TMEM179: variants seen among roughly 807,000 people sequenced by gnomAD.
TMEM179 encodes transmembrane protein 179, also known as transmembrane protein 179A.
TMEM179 carries 17 observed loss-of-function variants against 22.2 expected under a neutral mutation model. The observed-to-expected ratio is 0.77, with a 90% confidence interval of 0.52 to 1.15. TMEM179 has a LOEUF of 1.15. TMEM179 is among the 50% of genes most tolerant of loss of function. The pLI is 0.00. For missense variants in TMEM179, 265 were observed against 313.6 expected, an observed-to-expected ratio of 0.84 and a Z score of 1.17; for synonymous variants, 127 against 140.5, an observed-to-expected ratio of 0.90 and a Z score of 0.68.
chr14:104,599,390 A>T (rs1887162361), intron 1 of TMEM179, among the ~76,000 whole-genome samples: 2 of 152,140 alleles, frequency 1.3e-5, no homozygotes, highest in African/African-American at 4.8e-5. Flanking sequence ...GCTCCTCTCC[A>T]GGTGACCCAC....
At chr14:104,596,483 C>G (rs1343486142) in intron 2 of TMEM179, among the ~76,000 whole-genome samples, 2 of 152,204 alleles carry the variant, frequency 1.3e-5, no homozygotes, top group Non-Finnish European at 2.9e-5. Context: ...TGCTCCTGTT[C>G]TTCACCATCC....
chr14:104,594,151 G>T, intron 3 of TMEM179: 1 of 1,231,834 alleles, frequency 8.1e-7, no homozygotes, highest in South Asian at 4.2e-5. Flanking sequence ...ATTCTCATTT[G>T]AGCGTATTTG....
chr14:104,598,887 A>ACCAC (rs1887139793), intron 1 of TMEM179, among the ~76,000 whole-genome samples: 1 of 152,118 alleles, frequency 6.6e-6, no homozygotes, highest in Non-Finnish European at 1.5e-5. Flanking sequence ...TGATCCAACA[A>ACCAC]CCACACCAAC....
At chr14:104,601,471 G>A (rs1022510437) in intron 1 of TMEM179, among the ~76,000 whole-genome samples, 2 of 151,864 alleles carry the variant, frequency 1.3e-5, no homozygotes, top group Admixed American at 1.3e-4. Flanking sequence ...GGGGTCCCCT[G>A]GGGGGGGACC....
intron 3 of TMEM179, chr14:104,594,292 C>CCAGCAG: frequency 2.4e-6 from 3 of 1,231,770 alleles, no homozygotes; most frequent in Non-Finnish European, 3.0e-6. Context: ...TCAGGCCCAC[C>CCAGCAG]CATGTCCAGC....
rs1239051901 is a variant in TMEM179, at chr14:104,594,050, C to A, written c.523-392G>T. 6 of 1,231,242 alleles carry A rather than the reference C, an allele frequency of 4.9e-6. No homozygotes were observed. In the East Asian group the frequency reaches 1.6e-4, roughly 33 times the overall value. 76.3% of individuals were successfully genotyped at this position (1,231,242 alleles called of 1,614,324 possible). ...GGGTAAACAGCGGAGGCTCCTCCAA[C>A]CACCGGAATAAATTGACCTTTAGCC... On this transcript the variant is annotated intron_variant, in intron 3 of 3. Transcript: ENST00000556573.
At chr14:104,593,937 G>T in intron 3 of TMEM179, 1 of 898,904 alleles carries the variant, frequency 1.1e-6, no homozygotes, top group Non-Finnish European at 1.5e-6. Context: ...CCTCACTCCA[G>T]GCCGGCCAGA....
chr14:104,593,246 C>T lies in TMEM179; in HGVS notation c.*233G>A, dbSNP rs1566741391. ...GGTGCCCCCCGCCCCCGCCCCACAC[C>T]CATAGTCTCTCTGCACCATCCTCAT... is the stretch of plus-strand genomic sequence containing the variant. On this transcript the variant is annotated 3_prime_UTR_variant, in exon 4 of 4. Coordinates refer to ENST00000556573, the MANE Select transcript of TMEM179 (RefSeq NM_001286389.2). 1 of 597,264 alleles carries T rather than the reference C, an allele frequency of 1.7e-6. No homozygotes were observed. The highest frequency in any genetic ancestry group is 2.9e-6 in the Non-Finnish European group (1 of 340,600). 37.0% of individuals were successfully genotyped at this position (597,264 alleles called of 1,614,324 possible).
In TMEM179 at chr14:104,595,282, G is replaced by T; in HGVS notation, c.444-39C>A. 6.3e-7 allele frequency: 1 copy of T among 1,587,160 alleles called. No individual in the cohort carries two copies. The highest frequency in any genetic ancestry group is 8.6e-7 in the Non-Finnish European group (1 of 1,160,536). On this transcript the variant is annotated intron_variant, in intron 2 of 3. Transcript: ENST00000556573. The surrounding 1 kb of genome is among the most constrained non-coding windows in gnomAD (Gnocchi z 5.7). ...ACATAGGGTGGAGGGTGACCACCAG[G>T]ACAGCCAGTGCGGGACATGGCTGAG...
rs1190186033 is a variant in TMEM179, at chr14:104,597,602, A to T, written c.306-475T>A. On this transcript the variant is annotated intron_variant, in intron 1 of 3. Transcript: ENST00000556573. The surrounding 1 kb of genome is among the most constrained non-coding windows in gnomAD (Gnocchi z 4.8). ...AGGTCATGAGGGTGAAGCCTCATGA[A>T]TGAAATGAGTGCCCTCCTAGGAGAG... 1.3e-5 allele frequency among the ~76,000 whole-genome samples: 2 copies of T among 152,096 alleles called. No homozygotes were observed. The highest frequency in any genetic ancestry group is 2.9e-5 in the Non-Finnish European group (2 of 68,012).
chr14:104,594,059 T>C (rs1886932574), intron 3 of TMEM179: 1 of 1,232,140 alleles, frequency 8.1e-7, no homozygotes, highest in Admixed American at 4.1e-5. Context: ...ACCACCGGAA[T>C]AAATTGACCT....
At position 104,604,481 on chromosome 14, in the gene TMEM179, C is replaced by T. The variant is rs1887352354; in HGVS notation, c.261G>A (p.Ala87=). The T allele has an allele frequency of 2.5e-6, 4 of 1,580,558 alleles. No individual in the cohort carries two copies. Among genetic ancestry groups the T allele is most frequent in the Admixed American group, 1.8e-5 (1 of 56,222 alleles). The part of the protein sequence containing the change: ...ASLLSLLLAA[A]HAWRTLFFLC... ...GGAAGAAGAGCGTGCGCCAGGCGTG[C>T]GCGGCGGCCAGCAGCAGAGACAGGA... The change falls in exon 1 of 4, where the codon GCG becomes GCA. Residue 87 remains alanine, a synonymous_variant. Transcript: ENST00000556573. The surrounding 1 kb of genome is among the most constrained non-coding windows in gnomAD (Gnocchi z 4.6).
chr14:104,591,182 G>A lies in TMEM179; in HGVS notation c.*2297C>T, dbSNP rs560185743. 324 of 357,940 alleles carry A rather than the reference G, an allele frequency of 9.1e-4. 8 individuals carry two copies. Among genetic ancestry groups the A allele is most frequent in the South Asian group, 5.8e-3 (282 of 48,496 alleles). The allele number at this position is 357,940 out of a possible 1,614,324, so 22.2% of individuals were successfully genotyped here. A position where few individuals can be genotyped will look rare whatever the true frequency, so the allele number is the denominator to read the frequency against. On this transcript the variant is annotated 3_prime_UTR_variant, in exon 4 of 4. Coordinates refer to ENST00000556573, the MANE Select transcript of TMEM179 (RefSeq NM_001286389.2). Reference sequence around the variant, plus strand: ...GGTGGGTCTATGTCTGCATGCAGCCGAGGATTTCCATCACCCTGGCCATGG... The same window carrying A: ...GGTGGGTCTATGTCTGCATGCAGCCAAGGATTTCCATCACCCTGGCCATGG...
chr14:104,593,702 G>A (rs1321912055), intron 3 of TMEM179, 44 bp from the exon 4 acceptor site: 13 of 1,433,780 alleles, frequency 9.1e-6, no homozygotes, highest in Admixed American at 5.5e-5. Flanking sequence ...TTGGGGGTCC[G>A]CTGTCAGTGC....
In TMEM179 at chr14:104,604,457, G is replaced by T; in HGVS notation, c.285C>A (p.Phe95Leu). 6.3e-7 allele frequency: 1 copy of T among 1,580,018 alleles called. No individual in the cohort carries two copies. Among genetic ancestry groups the T allele is most frequent in the Non-Finnish European group, 8.6e-7 (1 of 1,167,888 alleles). ...CTTACCCCTCGTGTCCCTTGCAGAG[G>T]AAGAAGAGCGTGCGCCAGGCGTGCG... ...AAAHAWRTLF[F>L]LCKGHEGSFF... is the part of the protein sequence containing the mutation. The change falls in exon 1 of 4, where the codon TTC (phenylalanine) becomes TTA (leucine). Residue 95 changes from phenylalanine (F) to leucine (L), a missense_variant. Physicochemically the swap from Phe to Leu is conservative, Grantham distance 22. Transcript: ENST00000556573. The surrounding 1 kb of genome is among the most constrained non-coding windows in gnomAD (Gnocchi z 4.6).
At chr14:104,594,543 C>T (rs77348321) in intron 3 of TMEM179, 156,311 of 1,230,782 alleles carry the variant, frequency 0.13, 10,474 homozygotes, top group African/African-American at 0.18. Context: ...GTTCCCCCTC[C>T]GGCCCTCACG....
chr14:104,598,676 C>A (rs1182572735), intron 1 of TMEM179, among the ~76,000 whole-genome samples: 2 of 152,242 alleles, frequency 1.3e-5, no homozygotes, highest in African/African-American at 2.4e-5. Context: ...GCGCCCAACT[C>A]AGAGCAGGCG....
In TMEM179 at chr14:104,590,895, C is replaced by T. The variant is rs991114701; in HGVS notation, c.*2584G>A. On this transcript the variant is annotated 3_prime_UTR_variant, in exon 4 of 4. Coordinates refer to ENST00000556573, the MANE Select transcript of TMEM179 (RefSeq NM_001286389.2). ...TAAGGATCTTTACTTTCAGTTTAGC[C>T]AGAGTGGAATTAGAACAGGGATATC... 6.3e-6 allele frequency: 1 copy of T among 159,206 alleles called. No homozygotes were observed. Among genetic ancestry groups the T allele is most frequent in the African/African-American group, 2.4e-5 (1 of 41,446 alleles). The allele number at this position is 159,206 out of a possible 1,614,324, so 9.9% of individuals were successfully genotyped here. A position where few individuals can be genotyped will look rare whatever the true frequency, so the allele number is the denominator to read the frequency against.
chr14:104,599,882 TG>T (rs760954248), intron 1 of TMEM179, among the ~76,000 whole-genome samples: 15 of 152,206 alleles, frequency 9.9e-5, no homozygotes, highest in Middle Eastern at 3.4e-3. Context: ...GCAGAGGCTC[TG>T]GGCCCAGGCG....
Sources: allele counts gnomAD v4.1 joint callset (sites outside exome capture counted in the v4.1 genomes callset), GRCh38; gene constraint gnomAD v4.1.1; non-coding constraint Gnocchi (gnomAD v3.1); transcripts MANE v1.5; gene names NCBI Gene and HGNC (gene_info 2026-07-23, HGNC 2026-07-21).